Variants in ALPK3 observed in about 807,000 individuals in gnomAD.
ALPK3 encodes the protein alpha kinase 3, also known as alpha-protein kinase 3.
ALPK3 carries 102 observed loss-of-function variants against 140.0 expected under a neutral mutation model. The observed-to-expected ratio is 0.73, with a 90% confidence interval of 0.62 to 0.86. ALPK3 has a LOEUF of 0.86. Ranked by LOEUF, ALPK3 falls within the 40% of genes least tolerant of loss-of-function variation. The pLI is 0.00. For missense variants in ALPK3, 2,254 were observed against 2,208.2 expected (o/e 1.02, Z -0.42); for synonymous variants, 938 against 898.5 (o/e 1.04, Z -0.79).
intron 6 of ALPK3, among the ~76,000 whole-genome samples, chr15:84,858,885 T>G (rs1963903067): frequency 6.6e-6 from 1 of 152,220 alleles, no homozygotes; most frequent in South Asian, 2.1e-4. Flanking sequence ...TTTACAGAGA[T>G]GTCGCATGAT....
Position 84,856,926 on chromosome 15 carries a change from A to G in ALPK3, c.2188A>G (p.Thr730Ala). The G allele has an allele frequency of 6.2e-7, 1 of 1,614,058 alleles. No individual in the cohort carries two copies. ...AGGTCAGTCTGAGCAAGAGGTGGCA[A>G]CCAGCCTCGGCCCACCATCCAGAAC... is the stretch of plus-strand genomic sequence containing the variant. The part of the protein sequence containing the change: ...MEGQSEQEVA[T>A]SLGPPSRTPK... Residue 730 changes from threonine to alanine, a missense_variant, in exon 6 of 14, where the codon ACC becomes GCC. Physicochemically the swap from Thr to Ala is moderately conservative, Grantham distance 58. Around this residue, in one of 3 missense-constraint regions of ALPK3, gnomAD observed 2,088 missense variants for 2,022.9 expected, o/e 1.03. Transcript: ENST00000258888.
At chr15:84,861,039 T>C (rs1234817086) in intron 9 of ALPK3, among the ~76,000 whole-genome samples, 3 of 152,312 alleles carry the variant, frequency 2.0e-5, no homozygotes, top group East Asian at 3.9e-4. Flanking sequence ...CAATATCAAA[T>C]AAAACCTCAA....
At position 84,860,227 on chromosome 15, in the gene ALPK3, GC is replaced by G. The variant is rs537058051; in HGVS notation, c.4129+156del. Among the ~76,000 whole-genome samples the G allele has an allele frequency of 1.8e-4, 27 of 152,274 alleles. No individual in the cohort carries two copies. In the South Asian group the frequency reaches 2.3e-3, roughly 13 times the overall value. ...GCTTGGGAGATGATGGAGGAGGACT[GC>G]TGTATCAGAAGATTATGGGGGAAGA... On this transcript the variant is annotated intron_variant, in intron 9 of 13. Coordinates refer to ENST00000258888, the MANE Select transcript of ALPK3 (RefSeq NM_020778.5).
Position 84,832,960 on chromosome 15 carries a change from G to A in ALPK3, c.304+5355G>A, listed in dbSNP as rs564326292. On this transcript the variant is annotated intron_variant, in intron 3 of 13. Transcript: ENST00000258888. ...ATGTCAGACATGAGTCTGGCTTATA[G>A]AATCATGGGGTATTTTATCAAATAC... Among the ~76,000 whole-genome samples, 3 of 152,286 alleles carry A rather than the reference G, an allele frequency of 2.0e-5. No homozygotes were observed. In the South Asian group the frequency reaches 6.2e-4, roughly 32 times the overall value.
Position 84,839,104 on chromosome 15 carries a change from G to T in ALPK3, c.422+7G>T. 3.1e-6 allele frequency: 5 copies of T among 1,601,376 alleles called. No homozygotes were observed. In the South Asian group the frequency reaches 4.5e-5, roughly 14 times the overall value. ...ACACACTGCAGCTGTACAGGTGAGGGAGAAGGGCCTGTTTTGCTCTCTCTG... is the reference window on the plus strand; with the variant it reads ...ACACACTGCAGCTGTACAGGTGAGGTAGAAGGGCCTGTTTTGCTCTCTCTG... On this transcript the variant is annotated splice_region_variant and intron_variant, in intron 4 of 13. Transcript: ENST00000258888.
At chr15:84,836,694 T>C (rs1172237852) in intron 3 of ALPK3, among the ~76,000 whole-genome samples, 1 of 152,126 alleles carries the variant, frequency 6.6e-6, no homozygotes, top group East Asian at 1.9e-4. Flanking sequence ...GACCTTCAAG[T>C]GGAAATGCCA....
intron 3 of ALPK3, among the ~76,000 whole-genome samples, chr15:84,831,518 C>A (rs1299601966): frequency 6.6e-6 from 1 of 152,112 alleles, no homozygotes; most frequent in Non-Finnish European, 1.5e-5. Context: ...TAATTTTTGT[C>A]ATTTTCTGTA....
Position 84,817,598 on chromosome 15 carries a change from A to G in ALPK3, c.143+3A>G, listed in dbSNP as rs749956927. 1.3e-6 allele frequency: 2 copies of G among 1,493,084 alleles called. No individual in the cohort carries two copies. The highest frequency in any genetic ancestry group is 2.5e-5 in the South Asian group (2 of 81,246). 92.5% of individuals were successfully genotyped at this position (1,493,084 alleles called of 1,614,324 possible). ...CTCAGCGTGCGGCCCGAGACCAGGT[A>G]AGTGGCACCAAGGGGCAGGGCGGCG... On this transcript the variant is annotated splice_donor_region_variant and intron_variant, in intron 1 of 13. Transcript: ENST00000258888.
intron 3 of ALPK3, among the ~76,000 whole-genome samples, chr15:84,835,322 C>G (rs1963587940): frequency 6.6e-6 from 1 of 152,126 alleles, no homozygotes; most frequent in Non-Finnish European, 1.5e-5. Flanking sequence ...TTGTTCCTGG[C>G]CGACGCTGCT....
chr15:84,828,978 C>T (rs1214206539), intron 3 of ALPK3, among the ~76,000 whole-genome samples: 1 of 152,182 alleles, frequency 6.6e-6, no homozygotes, highest in Non-Finnish European at 1.5e-5. Context: ...CTCATTTTCT[C>T]TATTTAGAAA....
chr15:84,825,188 A>AT (rs1363089482), intron 2 of ALPK3, among the ~76,000 whole-genome samples: 2 of 149,934 alleles, frequency 1.3e-5, no homozygotes, highest in Non-Finnish European at 3.0e-5. Context: ...TTTTATTATT[A>AT]TTTTTTTTTT....
chr15:84,847,205 CGGGG>C (rs1272774821), intron 5 of ALPK3, among the ~76,000 whole-genome samples: 8,798 of 106,756 alleles, frequency 0.082, 447 homozygotes, highest in Non-Finnish European at 0.097. Context: ...GAGGGAGAAA[CGGGG>C]AGAGAGAGAG....
Position 84,868,173 on chromosome 15 carries a change from A to T in ALPK3, c.4835A>T (p.Gln1612Leu). The T allele has an allele frequency of 1.2e-6, 2 of 1,614,092 alleles. No individual in the cohort carries two copies. The highest frequency in any genetic ancestry group is 1.7e-6 in the Non-Finnish European group (2 of 1,179,998). ...ALLDRFASSH[Q>L]CNAYCELLGL... ...CTGGACCGGTTCGCCTCCTCCCACCAGTGCAATGCCTACTGTGAGCTGCTG... is the reference window on the plus strand; with the variant it reads ...CTGGACCGGTTCGCCTCCTCCCACCTGTGCAATGCCTACTGTGAGCTGCTG... The change falls in exon 14 of 14, where the codon CAG (glutamine) becomes CTG (leucine). Residue 1612 changes from glutamine (Q) to leucine (L), a missense_variant. By Grantham distance (113) the Gln-to-Leu change is moderately radical (BLOSUM62 -2). This residue lies in a region of ALPK3 where 158 missense variants were observed against 159.8 expected (regional missense o/e 0.99). Coordinates refer to ENST00000258888, the MANE Select transcript of ALPK3 (RefSeq NM_020778.5).
Position 84,858,477 on chromosome 15 carries a change from C to A in ALPK3, c.3739C>A (p.Leu1247Met). Reference protein sequence around the residue: ...DLGPSPKAGGLDTEVALDEGK... With the variant: ...DLGPSPKAGGMDTEVALDEGK... ...GGGCCCCAGCCCCAAGGCCGGCGGTCTGGACACAGAGGTGGCCCTGGATGA... is the reference window on the plus strand; with the variant it reads ...GGGCCCCAGCCCCAAGGCCGGCGGTATGGACACAGAGGTGGCCCTGGATGA... The change falls in exon 6 of 14, where the codon CTG becomes ATG. Residue 1247 changes from leucine to methionine, a missense_variant. By Grantham distance (15) the Leu-to-Met change is conservative (BLOSUM62 2). Transcript: ENST00000258888. 1 of 1,576,532 alleles carries A rather than the reference C, an allele frequency of 6.3e-7. No individual in the cohort carries two copies.
At chr15:84,867,476 T>C in intron 13 of ALPK3, 111 bp downstream of exon 13, 2 of 1,227,872 alleles carry the variant, frequency 1.6e-6, no homozygotes, top group Non-Finnish European at 2.4e-6. Context: ...GGCCAAGTGG[T>C]CCCAGACACA....
At chr15:84,837,163 T>C (rs1963604588) in intron 3 of ALPK3, among the ~76,000 whole-genome samples, 1 of 152,168 alleles carries the variant, frequency 6.6e-6, no homozygotes, top group African/African-American at 2.4e-5. Flanking sequence ...AGAATTTTTC[T>C]GTAAAGCAGA....
intron 12 of ALPK3, among the ~76,000 whole-genome samples, chr15:84,866,110 G>T (rs563819520): frequency 6.6e-6 from 1 of 152,160 alleles, no homozygotes; most frequent in Admixed American, 6.5e-5. Flanking sequence ...TTCCTACCTA[G>T]CACTCAGATT....
At chr15:84,846,318 T>G (rs996054738) in intron 5 of ALPK3, among the ~76,000 whole-genome samples, 1 of 152,164 alleles carries the variant, frequency 6.6e-6, no homozygotes, top group Non-Finnish European at 1.5e-5. Flanking sequence ...CATGAAAATC[T>G]CCACTTGCAT....
rs372818428 is a variant in ALPK3, at chr15:84,862,705, C to G, written c.4200C>G (p.Asp1400Glu). ...KGLADSGCWG[D>E]KLFGRLVSEE... ...TGGCTGACTCTGGCTGCTGGGGGGA[C>G]AAGCTCTTTGGGCGACTGGTAAGCG... Residue 1400 changes from aspartate to glutamate, a missense_variant, in exon 10 of 14, where the codon GAC becomes GAG. This residue lies in a region of ALPK3 where 2,088 missense variants were observed against 2,022.9 expected (regional missense o/e 1.03). Coordinates refer to ENST00000258888, the MANE Select transcript of ALPK3 (RefSeq NM_020778.5). 113 of 1,614,032 alleles carry G rather than the reference C, an allele frequency of 7.0e-5. No homozygotes were observed. Among genetic ancestry groups the G allele is most frequent in the Non-Finnish European group, 9.4e-5 (111 of 1,180,020 alleles).
Sources: allele counts gnomAD v4.1 joint callset (sites outside exome capture counted in the v4.1 genomes callset), GRCh38; gene constraint gnomAD v4.1.1; regional missense constraint gnomAD v4.1.1; transcripts MANE v1.5; gene names NCBI Gene and HGNC (gene_info 2026-07-23, HGNC 2026-07-21).